SSBP2: variants seen among roughly 807,000 people sequenced by gnomAD.
SSBP2 encodes the protein single-stranded DNA-binding protein 2.
SSBP2 carries 17 observed loss-of-function variants against 61.8 expected under a neutral mutation model. The observed-to-expected ratio is 0.28, with a 90% CI of 0.19 to 0.41. The LOEUF (loss-of-function observed/expected upper bound fraction) is 0.41, where lower values mean the gene tolerates loss of function less well. Among genes scored for constraint, SSBP2 ranks in the 10% least tolerant of loss-of-function variants. The pLI, the probability that SSBP2 is intolerant of heterozygous loss-of-function variation, is 1.00. For synonymous variants in SSBP2, 139 were observed against 141.3 expected, an observed-to-expected ratio of 0.98 and a Z score of 0.12; for missense variants, 310 against 458.7, an observed-to-expected ratio of 0.68 and a Z score of 2.96.
intron 7 of SSBP2, 72 bp from the exon 8 acceptor site, chr5:81,473,842 C>T (rs2154023599): frequency 2.9e-6 from 4 of 1,359,542 alleles, no homozygotes; most frequent in African/African-American, 2.9e-5. Context: ...AGCTTCCTCC[C>T]TCCTGGGTGT....
intron 1 of SSBP2, among the ~76,000 whole-genome samples, chr5:81,728,827 C>A (rs1426522688): frequency 1.3e-5 from 2 of 152,216 alleles, no homozygotes; most frequent in African/African-American, 4.8e-5. Flanking sequence ...GAAACCAACG[C>A]ATCTACTGAA....
intron 4 of SSBP2, among the ~76,000 whole-genome samples, chr5:81,589,622 A>G (rs959090217): frequency 6.6e-6 from 1 of 152,244 alleles, no homozygotes; most frequent in Admixed American, 6.5e-5. Context: ...AAAAAGGTTT[A>G]GCTAGATATG....
At chr5:81,480,178 C>T (rs1458975638) in intron 6 of SSBP2, among the ~76,000 whole-genome samples, 1 of 152,150 alleles carries the variant, frequency 6.6e-6, no homozygotes, top group Non-Finnish European at 1.5e-5. Flanking sequence ...GAACTGCCTG[C>T]TTCATAAAAG....
intron 4 of SSBP2, among the ~76,000 whole-genome samples, chr5:81,613,195 T>A (rs140318965): frequency 1.8e-3 from 280 of 152,274 alleles, no homozygotes; most frequent in African/African-American, 5.7e-3. Context: ...TTAAAACTAA[T>A]ATTTAAATTA....
In SSBP2 at chr5:81,648,525, G is replaced by A. The variant is rs564110269; in HGVS notation, c.135+1742C>T. Among the ~76,000 whole-genome samples the A allele has an allele frequency of 3.8e-4, 58 of 152,108 alleles. 1 individual carries two copies. The South Asian group carries it at 0.012, about 32-fold the overall frequency. On this transcript the variant is annotated intron_variant, in intron 2 of 16. Transcript: ENST00000320672. ...TTGAGCTGCAGCTAAATCTCAAGAA[G>A]GCTATACCTCAGGCAGGGAACTATT... is the stretch of plus-strand genomic sequence containing the variant.
At chr5:81,611,152 G>A (rs1335835384) in intron 4 of SSBP2, among the ~76,000 whole-genome samples, 3 of 152,134 alleles carry the variant, frequency 2.0e-5, no homozygotes, top group Non-Finnish European at 4.4e-5. Flanking sequence ...TTGAAATTGT[G>A]AGGCTTTTAT....
intron 4 of SSBP2, 37 bp downstream of exon 4, chr5:81,615,436 T>A (rs563012307): frequency 2.1e-6 from 3 of 1,455,614 alleles, no homozygotes; most frequent in African/African-American, 2.8e-5. Flanking sequence ...AACAGAAAAC[T>A]GACAGTGTAA....
At chr5:81,637,665 A>G (rs1205022784) in intron 2 of SSBP2, among the ~76,000 whole-genome samples, 1 of 152,220 alleles carries the variant, frequency 6.6e-6, no homozygotes, top group East Asian at 1.9e-4. Context: ...ATAGTCACCT[A>G]TATCACAAGG....
chr5:81,676,741 G>A (rs1016900258), intron 1 of SSBP2, among the ~76,000 whole-genome samples: 13 of 151,928 alleles, frequency 8.6e-5, no homozygotes, highest in South Asian at 4.2e-4. Context: ...TAGAAATTAC[G>A]CAAATAAATA....
intron 6 of SSBP2, among the ~76,000 whole-genome samples, chr5:81,477,446 G>GT (rs1435485576): frequency 1.3e-5 from 2 of 152,126 alleles, no homozygotes; most frequent in Non-Finnish European, 2.9e-5. Context: ...TTCTAGGTTT[G>GT]TAAGTATTTT....
intron 1 of SSBP2, among the ~76,000 whole-genome samples, chr5:81,742,003 C>T (rs1012944849): frequency 4.8e-4 from 73 of 152,202 alleles, no homozygotes; most frequent in African/African-American, 1.4e-3. Flanking sequence ...GACCTTGGAA[C>T]GAAAAAACTC....
At position 81,420,262 on chromosome 5, in the gene SSBP2, A is replaced by G. The variant is rs972382556; in HGVS notation, c.*242T>C. On this transcript the variant is annotated 3_prime_UTR_variant, in exon 17 of 17. Transcript: ENST00000320672. ...TTCTCTTTCCCACACATATACATAC[A>G]CACATAATTATTTGCAGTTCAGTTT... 1.1e-5 allele frequency: 6 copies of G among 559,392 alleles called. No homozygotes were observed. In the Admixed American group the frequency reaches 1.9e-4, roughly 18 times the overall value. The allele number at this position is 559,392 out of a possible 1,614,324, so 34.7% of individuals were successfully genotyped here.
Position 81,462,125 on chromosome 5 carries a change from G to A in SSBP2, c.639-1022C>T, listed in dbSNP as rs145754024. Among the ~76,000 whole-genome samples the A allele has an allele frequency of 8.5e-3, 1,292 of 152,082 alleles. 13 individuals are homozygous for A. Among genetic ancestry groups the A allele is most frequent in the African/African-American group, 0.029 (1,203 of 41,476 alleles). On this transcript the variant is annotated intron_variant, in intron 9 of 16. Coordinates refer to ENST00000320672, the MANE Select transcript of SSBP2 (RefSeq NM_012446.5). ...CACACTGGAAGAAGAACTGTCTTGG[G>A]CTACACATAAAATACACTAACACTA...
At chr5:81,597,262 C>T (rs1326072656) in intron 4 of SSBP2, among the ~76,000 whole-genome samples, 1 of 152,152 alleles carries the variant, frequency 6.6e-6, no homozygotes, top group African/African-American at 2.4e-5. Flanking sequence ...TGAAAAAATG[C>T]TCATCATCAC....
intron 6 of SSBP2, among the ~76,000 whole-genome samples, chr5:81,477,142 G>T (rs1296860900): frequency 6.6e-6 from 1 of 152,054 alleles, no homozygotes; most frequent in Non-Finnish European, 1.5e-5. Context: ...TTTCCCCAAG[G>T]GGCCTTAATT....
chr5:81,751,006 G>T lies in SSBP2; in HGVS notation c.37C>A (p.Pro13Thr). The T allele has an allele frequency of 6.3e-7, 1 of 1,599,314 alleles. No homozygotes were observed. Among genetic ancestry groups the T allele is most frequent in the Non-Finnish European group, 8.5e-7 (1 of 1,173,170 alleles). The change falls in exon 1 of 17, where the codon CCG becomes ACG. Residue 13 changes from proline to threonine, a missense_variant. Physicochemically the swap from Pro to Thr is conservative, Grantham distance 38. This residue lies in a region of SSBP2 where 36 missense variants were observed against 27.0 expected (regional missense o/e 1.33). Coordinates refer to ENST00000320672, the MANE Select transcript of SSBP2 (RefSeq NM_012446.5). ...TTCTCCCGGGCCTGGCTGTCGGACG[G>T]GACGGCGCTGCTGTTACTCTTGCCT...
intron 14 of SSBP2, 36 bp downstream of exon 14, chr5:81,440,522 T>C (rs777722847): frequency 7.0e-6 from 11 of 1,571,844 alleles, no homozygotes; most frequent in Non-Finnish European, 8.7e-6. Context: ...GGTTTTGTTA[T>C]GAATTTATTC....
At chr5:81,610,510 T>A (rs954733322) in intron 4 of SSBP2, among the ~76,000 whole-genome samples, 3 of 152,206 alleles carry the variant, frequency 2.0e-5, no homozygotes, top group Non-Finnish European at 2.9e-5. Flanking sequence ...TTAAAGCACC[T>A]GATCTTTGGG....
chr5:81,576,069 A>C (rs577698765), intron 4 of SSBP2, among the ~76,000 whole-genome samples: 35 of 152,288 alleles, frequency 2.3e-4, no homozygotes, highest in African/African-American at 7.7e-4. Context: ...CAGCGATATT[A>C]TCATATGCCT....
Sources: allele counts gnomAD v4.1 joint callset (sites outside exome capture counted in the v4.1 genomes callset), GRCh38; gene constraint gnomAD v4.1.1; regional missense constraint gnomAD v4.1.1; transcripts MANE v1.5; gene names NCBI Gene and HGNC (gene_info 2026-07-23, HGNC 2026-07-21).